GNG12: variants seen among roughly 807,000 people sequenced by gnomAD.
GNG12 encodes guanine nucleotide-binding protein G(I)/G(S)/G(O) subunit gamma-12.
For missense variants in GNG12, 69 were observed against 83.8 expected (o/e 0.82, Z 0.69); for synonymous variants, 28 against 29.7 (o/e 0.94, Z 0.19).
At chr1:67,728,816 C>A (rs1037764763) in intron 2 of GNG12, among the ~76,000 whole-genome samples, 2 of 152,172 alleles carry the variant, frequency 1.3e-5, no homozygotes, top group African/African-American at 4.8e-5. Context: ...TAGGCCCCCC[C>A]ACACAGAAAC....
chr1:67,826,272 C>T (rs1259518022), intron 1 of GNG12, among the ~76,000 whole-genome samples: 1 of 152,318 alleles, frequency 6.6e-6, no homozygotes, highest in African/African-American at 2.4e-5. Context: ...TAGACTTTTG[C>T]AGGCTTGATA....
chr1:67,813,654 C>T (rs1646938451), intron 1 of GNG12, among the ~76,000 whole-genome samples: 1 of 151,272 alleles, frequency 6.6e-6, no homozygotes, highest in African/African-American at 2.4e-5. Flanking sequence ...CCCGCTATAC[C>T]ATACTGTAGA....
At chr1:67,736,249 G>A (rs769464404) in intron 2 of GNG12, among the ~76,000 whole-genome samples, 2 of 151,938 alleles carry the variant, frequency 1.3e-5, no homozygotes, top group African/African-American at 2.4e-5. Flanking sequence ...CTCTTCTTCC[G>A]GTTGTGCCTG....
rs531415881 is a variant in GNG12, at chr1:67,800,036, A to G, written c.-76-22529T>C. ...TTCTTTGAAACTAAACCAAAACTTG[A>G]TAAGTAGTGGCTTCTTACAGGCTGG... On this transcript the variant is annotated intron_variant, in intron 1 of 3. Transcript: ENST00000370982. 8.4e-4 allele frequency among the ~76,000 whole-genome samples: 128 copies of G among 152,326 alleles called. 1 individual carries two copies. Among genetic ancestry groups the G allele is most frequent in the South Asian group, 6.2e-3 (30 of 4,828 alleles).
chr1:67,802,838 T>C (rs1162854855), intron 1 of GNG12, among the ~76,000 whole-genome samples: 1 of 152,180 alleles, frequency 6.6e-6, no homozygotes, highest in Non-Finnish European at 1.5e-5. Context: ...TCTCTCTCTC[T>C]CCCTACACAT....
At chr1:67,795,237 C>T (rs553460509) in intron 1 of GNG12, among the ~76,000 whole-genome samples, 3 of 152,298 alleles carry the variant, frequency 2.0e-5, no homozygotes, top group Admixed American at 6.5e-5. Context: ...CCCTGCCATC[C>T]GCAGTTAGTT....
intron 2 of GNG12, among the ~76,000 whole-genome samples, chr1:67,744,068 A>C (rs1646496192): frequency 6.6e-6 from 1 of 152,222 alleles, no homozygotes; most frequent in Non-Finnish European, 1.5e-5. Context: ...CGAACAATAA[A>C]TGTAACAGTA....
chr1:67,766,940 G>A (rs1230162227), intron 2 of GNG12, among the ~76,000 whole-genome samples: 1 of 152,170 alleles, frequency 6.6e-6, no homozygotes, highest in African/African-American at 2.4e-5. Flanking sequence ...TATTCCCAAG[G>A]GAGAATCAAA....
At chr1:67,707,136 T>G (rs1436115699) in intron 3 of GNG12, among the ~76,000 whole-genome samples, 1 of 152,216 alleles carries the variant, frequency 6.6e-6, no homozygotes, top group African/African-American at 2.4e-5. Context: ...CAGAAAGTGG[T>G]CACTGAGGGC....
intron 3 of GNG12, among the ~76,000 whole-genome samples, chr1:67,706,815 G>A (rs787254): frequency 0.7 from 106,027 of 151,794 alleles, 37,044 homozygotes; most frequent in African/African-American, 0.71. Context: ...GCACGCCACC[G>A]TGCCTGGCTA....
intron 1 of GNG12, among the ~76,000 whole-genome samples, chr1:67,778,679 G>A (rs1338521704): frequency 6.6e-6 from 1 of 152,272 alleles, no homozygotes; most frequent in East Asian, 1.9e-4. Flanking sequence ...GCACAGAGGG[G>A]TTACATTATT....
intron 2 of GNG12, among the ~76,000 whole-genome samples, chr1:67,718,996 C>T (rs574389289): frequency 1.2e-4 from 18 of 152,300 alleles, no homozygotes; most frequent in African/African-American, 3.6e-4. Context: ...ATTTTACAAA[C>T]GAAGAAACTG....
At chr1:67,709,235 C>T (rs1259953756) in intron 2 of GNG12, among the ~76,000 whole-genome samples, 1 of 152,190 alleles carries the variant, frequency 6.6e-6, no homozygotes, top group East Asian at 1.9e-4. Flanking sequence ...CCAAGGCATT[C>T]CATGAACTGC....
At chr1:67,780,600 C>T (rs1010920542) in intron 1 of GNG12, among the ~76,000 whole-genome samples, 8 of 152,138 alleles carry the variant, frequency 5.3e-5, no homozygotes, top group African/African-American at 1.9e-4. Flanking sequence ...AGGATAGGAG[C>T]CAAGGCTATC....
intron 1 of GNG12, among the ~76,000 whole-genome samples, chr1:67,811,128 G>C (rs570016262): frequency 2.0e-4 from 30 of 152,266 alleles, no homozygotes; most frequent in Middle Eastern, 3.4e-3. Flanking sequence ...ATCAAAATTT[G>C]AGAACTGCTG....
intron 1 of GNG12, among the ~76,000 whole-genome samples, chr1:67,797,787 C>T (rs186477681): frequency 4.5e-4 from 69 of 152,276 alleles, no homozygotes; most frequent in South Asian, 1.9e-3. Flanking sequence ...CATATCATGG[C>T]GGGCACATAG....
intron 2 of GNG12, among the ~76,000 whole-genome samples, chr1:67,750,469 G>A (rs1201881577): frequency 4.6e-5 from 7 of 152,144 alleles, no homozygotes; most frequent in African/African-American, 1.7e-4. Flanking sequence ...CTTTTTGAGG[G>A]CAGAAACACT....
In GNG12 at chr1:67,776,093, T is replaced by C. The variant is rs184952610; in HGVS notation, c.-27+1365A>G. ...AAGATAAACTGAAGAATGACTAGTGTAGTGGTGCTGTGTAGAATGGAGGGA... is the reference window on the plus strand; with the variant it reads ...AAGATAAACTGAAGAATGACTAGTGCAGTGGTGCTGTGTAGAATGGAGGGA... On this transcript the variant is annotated intron_variant, in intron 2 of 3. Transcript: ENST00000370982. Among the ~76,000 whole-genome samples, 110 of 152,162 alleles carry C rather than the reference T, an allele frequency of 7.2e-4. 2 individuals carry two copies. The highest frequency in any genetic ancestry group is 2.5e-3 in the African/African-American group (103 of 41,500).
At chr1:67,718,235 T>C (rs1026937693) in intron 2 of GNG12, among the ~76,000 whole-genome samples, 2 of 152,310 alleles carry the variant, frequency 1.3e-5, no homozygotes, top group South Asian at 2.1e-4. Context: ...ACCCTCAACC[T>C]GACCACCACT....
Sources: allele counts gnomAD v4.1 joint callset (sites outside exome capture counted in the v4.1 genomes callset), GRCh38; gene constraint gnomAD v4.1.1; transcripts MANE v1.5; gene names NCBI Gene and HGNC (gene_info 2026-07-23, HGNC 2026-07-21).